Variants in DPP6 observed in about 807,000 individuals in gnomAD.
DPP6 encodes the protein A-type potassium channel modulatory protein DPP6.
DPP6 carries 69 observed loss-of-function variants against 122.6 expected under a neutral mutation model. The observed-to-expected ratio is 0.56, with a 90% CI of 0.46 to 0.69. The LOEUF (loss-of-function observed/expected upper bound fraction) is 0.69, where lower values mean the gene tolerates loss of function less well. Ranked by LOEUF, DPP6 falls within the 30% of genes least tolerant of loss-of-function variation. DPP6 has a pLI of 0.00. For synonymous variants in DPP6, 418 were observed against 433.1 expected, an observed-to-expected ratio of 0.97 and a Z score of 0.43; for missense variants, 928 against 1,116.9, an observed-to-expected ratio of 0.83 and a Z score of 2.41.
chr7:153,760,304 T>C, the DPP6 span, among the ~76,000 whole-genome samples: 10 of 152,302 alleles, frequency 6.6e-5, no homozygotes, highest in African/African-American at 2.2e-4. Context: ...TTTGCACATA[T>C]GGAATTCAGC....
chr7:153,983,873 C>T (rs1405730483), intron 1 of DPP6, among the ~76,000 whole-genome samples: 4 of 152,046 alleles, frequency 2.6e-5, no homozygotes, highest in Non-Finnish European at 2.9e-5. Context: ...CCATGGGCTG[C>T]ACCCACTGTC....
chr7:154,889,659 A>C, intron 25 of DPP6, 129 bp downstream of exon 25: 1 of 1,440,842 alleles, frequency 6.9e-7, no homozygotes, highest in African/African-American at 1.4e-5. Context: ...GGTGATGAGC[A>C]AGGTCCCAGC....
At chr7:154,786,952 C>T (rs1797375497) in intron 10 of DPP6, among the ~76,000 whole-genome samples, 1 of 152,166 alleles carries the variant, frequency 6.6e-6, no homozygotes, top group South Asian at 2.1e-4. Context: ...TTGCTGTGCC[C>T]TCCAGCCTGA....
chr7:154,385,095 C>CG (rs1426448954), intron 1 of DPP6, among the ~76,000 whole-genome samples: 2 of 152,066 alleles, frequency 1.3e-5, no homozygotes, highest in African/African-American at 4.8e-5. Flanking sequence ...CTCAGCCTCC[C>CG]GGTAGCTGGG....
intron 1 of DPP6, among the ~76,000 whole-genome samples, chr7:153,918,102 A>G (rs1271337820): frequency 6.6e-6 from 1 of 152,180 alleles, no homozygotes; most frequent in African/African-American, 2.4e-5. Flanking sequence ...CTGGTACTTT[A>G]ACTACCACAT....
At chr7:154,823,156 T>A (rs1799912471) in intron 16 of DPP6, among the ~76,000 whole-genome samples, 1 of 151,948 alleles carries the variant, frequency 6.6e-6, no homozygotes, top group East Asian at 1.9e-4. Context: ...TAAGACATTA[T>A]TTTTTTTGCC....
chr7:154,676,331 C>T (rs1205078586), intron 7 of DPP6, among the ~76,000 whole-genome samples: 1 of 110,380 alleles, frequency 9.1e-6, no homozygotes, highest in Non-Finnish European at 2.2e-5. Flanking sequence ...TTCCGGGCTG[C>T]GGCCATGGGG....
intron 7 of DPP6, among the ~76,000 whole-genome samples, chr7:154,717,327 C>T (rs998170073): frequency 6.6e-6 from 1 of 151,868 alleles, no homozygotes; most frequent in Non-Finnish European, 1.5e-5. Context: ...GGACTTATTC[C>T]TTCTACCTCA....
chr7:153,861,232 C>G, the DPP6 span, among the ~76,000 whole-genome samples: 1 of 152,078 alleles, frequency 6.6e-6, no homozygotes, highest in African/African-American at 2.4e-5. Context: ...AAACCATAAA[C>G]ATATTTATAA....
chr7:154,466,921 C>T (rs968690477), intron 2 of DPP6, among the ~76,000 whole-genome samples: 3 of 152,186 alleles, frequency 2.0e-5, no homozygotes, highest in Non-Finnish European at 4.4e-5. Flanking sequence ...AATTTTAACA[C>T]TGAAATCATC....
intron 1 of DPP6, among the ~76,000 whole-genome samples, chr7:154,158,291 C>T (rs964917417): frequency 6.6e-6 from 1 of 151,330 alleles, no homozygotes; most frequent in African/African-American, 2.4e-5. Flanking sequence ...TCTCAGAGTT[C>T]ATGGAATTGA....
chr7:154,394,071 C>T (rs766482376), intron 1 of DPP6, among the ~76,000 whole-genome samples: 2 of 152,178 alleles, frequency 1.3e-5, no homozygotes, highest in Non-Finnish European at 2.9e-5. Context: ...GGTTTCCATC[C>T]ATGTTTTAGG....
Position 154,870,146 on chromosome 7 carries a change from C to CTTT in DPP6, c.1813+2069_1813+2071dup, listed in dbSNP as rs61457825. On this transcript the variant is annotated intron_variant, in intron 18 of 25. Coordinates refer to ENST00000377770, the MANE Select transcript of DPP6 (RefSeq NM_130797.4). ...AGGCAGGCCACATGCCCAACTAATT[C>CTTT]TTTTTTTTTTTTTTTTTTCGTAGAG... Among the ~76,000 whole-genome samples the CTTT allele has an allele frequency of 8.5e-4, 104 of 121,690 alleles. 2 individuals carry two copies. Among genetic ancestry groups the CTTT allele is most frequent in the Middle Eastern group, 4.5e-3 (1 of 220 alleles). 79.8% of individuals were successfully genotyped at this position (121,690 alleles called of 152,430 possible).
intron 1 of DPP6, among the ~76,000 whole-genome samples, chr7:154,223,145 A>T (rs1057399498): frequency 6.7e-6 from 1 of 148,626 alleles, no homozygotes; most frequent in Non-Finnish European, 1.5e-5. Context: ...CCATCCCATG[A>T]CAAACCCCAG....
chr7:154,823,498 A>G (rs951303572), intron 16 of DPP6, among the ~76,000 whole-genome samples: 14 of 152,246 alleles, frequency 9.2e-5, no homozygotes, highest in African/African-American at 2.2e-4. Context: ...TGTCTTCTCT[A>G]TTACTTCAGA....
At chr7:153,983,798 G>A (rs1796709382) in intron 1 of DPP6, among the ~76,000 whole-genome samples, 1 of 152,072 alleles carries the variant, frequency 6.6e-6, no homozygotes, top group Non-Finnish European at 1.5e-5. Context: ...GGCCAGGGGA[G>A]GGAGTTCCGT....
rs554242934 is a variant in DPP6 at position 154,328,155 on chromosome 7, G to A, written c.244-118059G>A. On this transcript the variant is annotated intron_variant, in intron 1 of 25. Transcript: ENST00000377770. ...AAGAAAAGGGAAAAATGGTTTGCTCGGATCCCTGGGTTGCTTGGCCCACAC... is the reference window on the plus strand; with the variant it reads ...AAGAAAAGGGAAAAATGGTTTGCTCAGATCCCTGGGTTGCTTGGCCCACAC... 4.6e-5 allele frequency among the ~76,000 whole-genome samples: 7 copies of A among 152,220 alleles called. No homozygotes were observed. The East Asian group carries it at 1.2e-3, about 25-fold the overall frequency.
chr7:154,181,688 G>A (rs1014587140), intron 1 of DPP6, among the ~76,000 whole-genome samples: 1 of 149,136 alleles, frequency 6.7e-6, no homozygotes, highest in South Asian at 2.1e-4. Flanking sequence ...TGTTTAATTT[G>A]TTTCTTTTGC....
intron 6 of DPP6, among the ~76,000 whole-genome samples, chr7:154,666,196 T>TAC (rs59027201): frequency 1.7e-4 from 15 of 86,556 alleles, no homozygotes; most frequent in African/African-American, 5.6e-4. Context: ...TATATATATA[T>TAC]ATATACACAT....
Sources: gnomAD v4.1 joint callset for allele counts (sites outside exome capture counted in the v4.1 genomes callset) on GRCh38, gnomAD v4.1.1 for gene constraint, MANE v1.5 for transcripts, NCBI Gene and HGNC (gene_info 2026-07-23, HGNC 2026-07-21) for gene names.